RUFY2: variants seen among roughly 807,000 people sequenced by gnomAD.
The protein encoded by RUFY2 is RUN and FYVE domain-containing protein 2.
RUFY2 carries 49 observed loss-of-function variants against 94.4 expected under a neutral mutation model. That is an observed-to-expected ratio of 0.52 (90% confidence interval 0.41 to 0.66). The LOEUF (loss-of-function observed/expected upper bound fraction) is 0.66. Ranked by LOEUF, RUFY2 falls within the 30% of genes least tolerant of loss-of-function variation. The probability of loss-of-function intolerance (pLI) is 0.00; values close to 1 mark genes in which losing one functional copy is unlikely to be tolerated. For synonymous variants in RUFY2, 255 were observed against 235.7 expected (o/e 1.08, Z -0.75); for missense variants, 541 against 692.8 (o/e 0.78, Z 2.46).
At chr10:68,358,697 G>A (rs2047222737) in intron 15 of RUFY2, among the ~76,000 whole-genome samples, 2 of 152,164 alleles carry the variant, frequency 1.3e-5, no homozygotes, top group African/African-American at 2.4e-5. Flanking sequence ...GATAACCTGA[G>A]GTCAGGAGTT....
At position 68,362,161 on chromosome 10, in the gene RUFY2, C is replaced by T. The variant is rs144403313; in HGVS notation, c.1550+1429G>A. Reference sequence around the variant, plus strand: ...ACAACATACCAAGATCCTAACTCCACAAAAAATAAAAAAAAATTAGCCAGG... The same window carrying T: ...ACAACATACCAAGATCCTAACTCCATAAAAAATAAAAAAAAATTAGCCAGG... On this transcript the variant is annotated intron_variant, in intron 15 of 17. Transcript: ENST00000602465. 2.9e-3 allele frequency among the ~76,000 whole-genome samples: 437 copies of T among 151,624 alleles called. 1 individual carries two copies. Among genetic ancestry groups the T allele is most frequent in the Non-Finnish European group, 4.8e-3 (323 of 67,880 alleles).
chr10:68,345,691 T>C lies in RUFY2; in HGVS notation c.*77A>G. On this transcript the variant is annotated 3_prime_UTR_variant, in exon 18 of 18. Coordinates refer to ENST00000602465, the MANE Select transcript of RUFY2 (RefSeq NM_001330103.2). Reference sequence around the variant, plus strand: ...TGACCGAAAGCCGCTTAAGGAGAGCTGTCTGGTTACCTTTGTATACAACAT... The same window carrying C: ...TGACCGAAAGCCGCTTAAGGAGAGCCGTCTGGTTACCTTTGTATACAACAT... The C allele has an allele frequency of 7.4e-7, 1 of 1,357,786 alleles. No homozygotes were observed. Among genetic ancestry groups the C allele is most frequent in the Non-Finnish European group, 1.0e-6 (1 of 981,762 alleles). The allele number at this position is 1,357,786 out of a possible 1,614,324, so 84.1% of individuals were successfully genotyped here. A position where few individuals can be genotyped will look rare whatever the true frequency, so the allele number is the denominator to read the frequency against.
At chr10:68,341,815 G>A (rs1413190369), downstream of RUFY2, 1 of 1,611,170 alleles carries the variant, frequency 6.2e-7, no homozygotes, top group Non-Finnish European at 8.5e-7. Context: ...CAATTACAGT[G>A]GAGGATATGG....
chr10:68,360,610 T>C (rs1011698335), intron 15 of RUFY2, among the ~76,000 whole-genome samples: 3 of 151,776 alleles, frequency 2.0e-5, no homozygotes, highest in Admixed American at 2.0e-4. Flanking sequence ...TAGCCAGGCA[T>C]GGTGGCGGGC....
At chr10:68,380,017 T>C (rs769241826) in intron 11 of RUFY2, among the ~76,000 whole-genome samples, 1 of 151,990 alleles carries the variant, frequency 6.6e-6, no homozygotes, top group Non-Finnish European at 1.5e-5. Context: ...ACTGTGTTAG[T>C]CAGGATGGTC....
At chr10:68,355,448 T>C (rs1383296303) in intron 15 of RUFY2, 47 bp from the exon 16 acceptor site, 21 of 1,166,976 alleles carry the variant, frequency 1.8e-5, no homozygotes, top group Non-Finnish European at 2.7e-5. Flanking sequence ...CATATTTAAA[T>C]ATAGAACACT....
chr10:68,389,509 GA>G (rs1211501776), intron 7 of RUFY2, among the ~76,000 whole-genome samples: 1 of 151,918 alleles, frequency 6.6e-6, no homozygotes, highest in Non-Finnish European at 1.5e-5. Flanking sequence ...AGAATCACTT[GA>G]AACTGGAAGG....
chr10:68,364,632 A>G (rs963089682), intron 13 of RUFY2, among the ~76,000 whole-genome samples: 1 of 152,128 alleles, frequency 6.6e-6, no homozygotes, highest in Non-Finnish European at 1.5e-5. Flanking sequence ...AAGCTGACCA[A>G]TTACAGGAAA....
At chr10:68,376,440 GTGTATATATATATATATA>G (rs1440379540) in intron 13 of RUFY2, among the ~76,000 whole-genome samples, 64 of 48,266 alleles carry the variant, frequency 1.3e-3, no homozygotes, top group South Asian at 5.9e-3. Flanking sequence ...AAAAAAATGT[GTGTATATATATATATATA>G]TATATATATA....
chr10:68,381,576 G>A (rs1436326568), intron 10 of RUFY2, among the ~76,000 whole-genome samples, 177 bp from the exon 11 acceptor site: 1 of 152,208 alleles, frequency 6.6e-6, no homozygotes, highest in East Asian at 1.9e-4. Context: ...CAGGCGCAGT[G>A]GCTCATACCT....
chr10:68,396,929 C>T (rs1486463139), intron 3 of RUFY2, 48 bp from the exon 4 acceptor site: 2 of 1,239,836 alleles, frequency 1.6e-6, no homozygotes, highest in Non-Finnish European at 2.4e-6. Flanking sequence ...GCCCAAAGAT[C>T]ACATCTTCTG....
At position 68,349,424 on chromosome 10, in the gene RUFY2, G is replaced by C. The variant is rs144614197; in HGVS notation, c.1600-3340C>G. ...GGTCCCAGCAACTCAGGAGGCTGAGGGGGGGAGGATTGCTTGAACCCAGAA... is the reference window on the plus strand; with the variant it reads ...GGTCCCAGCAACTCAGGAGGCTGAGCGGGGGAGGATTGCTTGAACCCAGAA... On this transcript the variant is annotated intron_variant, in intron 16 of 17. Transcript: ENST00000602465. 1.6e-4 allele frequency among the ~76,000 whole-genome samples: 20 copies of C among 121,408 alleles called. No homozygotes were observed. The East Asian group carries it at 3.7e-3, about 22-fold the overall frequency. 79.6% of individuals were successfully genotyped at this position (121,408 alleles called of 152,430 possible).
chr10:68,345,852 A>C lies in RUFY2; in HGVS notation c.1737T>G (p.Pro579=). Residue 579 remains proline, a synonymous_variant, in exon 18 of 18, where the codon CCT becomes CCG. Coordinates refer to ENST00000602465, the MANE Select transcript of RUFY2 (RefSeq NM_001330103.2). ...GTACTGGTTTTGGTGAAGAAGGCAA[A>C]GGTAGTTCGTTGTCAGAGCAGGCAT... ...FCNACSDNEL[P]LPSSPKPVRV... 1 of 1,614,134 alleles carries C rather than the reference A, an allele frequency of 6.2e-7. No homozygotes were observed. Among genetic ancestry groups the C allele is most frequent in the Non-Finnish European group, 8.5e-7 (1 of 1,179,950 alleles).
At position 68,345,270 on chromosome 10, in the gene RUFY2, C is replaced by T. The variant is rs1200157440; in HGVS notation, c.*498G>A. 1.5e-5 allele frequency: 3 copies of T among 200,906 alleles called. No individual in the cohort carries two copies. Among genetic ancestry groups the T allele is most frequent in the Non-Finnish European group, 3.0e-5 (3 of 100,974 alleles). The allele number at this position is 200,906 out of a possible 1,614,324, so 12.4% of individuals were successfully genotyped here. A position where few individuals can be genotyped will look rare whatever the true frequency, so the allele number is the denominator to read the frequency against. ...TATTGGCCCTGTCTAATGCAAGAGG[C>T]AAAGGGAGAGGGGGAGAAGAAAGGG... On this transcript the variant is annotated 3_prime_UTR_variant, in exon 18 of 18. Transcript: ENST00000602465.
intron 16 of RUFY2, among the ~76,000 whole-genome samples, chr10:68,347,136 G>C (rs2046334714): frequency 6.6e-6 from 1 of 150,794 alleles, no homozygotes; most frequent in Admixed American, 6.6e-5. Flanking sequence ...AAGAAAAAGA[G>C]GGGAAAAAAA....
chr10:68,346,186 G>T, intron 16 of RUFY2, 102 bp from the exon 17 acceptor site: 2 of 816,772 alleles, frequency 2.4e-6, no homozygotes, highest in South Asian at 1.7e-5. Context: ...GATATATGAA[G>T]AATGGAAAAT....
intron 16 of RUFY2, among the ~76,000 whole-genome samples, chr10:68,350,048 C>T (rs1041774020): frequency 6.6e-6 from 1 of 151,910 alleles, no homozygotes; most frequent in Non-Finnish European, 1.5e-5. Context: ...CTCGCTCTGT[C>T]GCCCAGGCTG....
At chr10:68,346,400 G>C (rs1016600439) in intron 16 of RUFY2, 4 of 240,894 alleles carry the variant, frequency 1.7e-5, no homozygotes, top group Non-Finnish European at 3.2e-5. Context: ...AGACCAAGCT[G>C]GGCAACACAG....
intron 15 of RUFY2, among the ~76,000 whole-genome samples, chr10:68,358,916 C>T (rs982393348): frequency 4.6e-5 from 7 of 151,944 alleles, no homozygotes; most frequent in African/African-American, 1.7e-4. Flanking sequence ...GTCTTATGCC[C>T]GGCCTAGGAA....
Sources: allele counts gnomAD v4.1 joint callset (sites outside exome capture counted in the v4.1 genomes callset), GRCh38; gene constraint gnomAD v4.1.1; transcripts MANE v1.5; gene names NCBI Gene and HGNC (gene_info 2026-07-23, HGNC 2026-07-21).